Variants in MED12L observed in about 807,000 individuals in gnomAD.
MED12L encodes the protein mediator complex subunit 12L, also known as mediator of RNA polymerase II transcription subunit 12-like protein.
Under a neutral mutation model 281.3 loss-of-function variants are expected in MED12L, and 60 were observed. The observed-to-expected ratio is 0.21, with a 90% CI of 0.17 to 0.26. The LOEUF (loss-of-function observed/expected upper bound fraction) is 0.26, where lower values mean the gene tolerates loss of function less well. MED12L is among the 10% of genes least tolerant of loss of function. The pLI is 1.00. For missense variants in MED12L, 2,146 were observed against 2,680.9 expected (o/e 0.80, Z 4.41); for synonymous variants, 974 against 987.2 (o/e 0.99, Z 0.25).
intron 16 of MED12L, among the ~76,000 whole-genome samples, chr3:151,235,015 G>GT (rs1193080208): frequency 6.6e-6 from 1 of 152,180 alleles, no homozygotes; most frequent in East Asian, 1.9e-4. Flanking sequence ...GCTCAGGCGT[G>GT]TTTTTTTGTA....
At chr3:151,187,407 A>G (rs930829761) in intron 12 of MED12L, among the ~76,000 whole-genome samples, 8 of 152,214 alleles carry the variant, frequency 5.3e-5, no homozygotes, top group African/African-American at 1.9e-4. Flanking sequence ...AATAGCCTAA[A>G]TGTATCTATA....
chr3:151,116,223 C>T, intron 2 of MED12L, 115 bp from the exon 3 acceptor site: 1 of 648,090 alleles, frequency 1.5e-6, no homozygotes, highest in Non-Finnish European at 2.6e-6. Flanking sequence ...GTTGTCCTTT[C>T]AAGAGTTCTC....
chr3:151,108,678 A>G (rs1161192295), intron 2 of MED12L, among the ~76,000 whole-genome samples: 3 of 152,136 alleles, frequency 2.0e-5, no homozygotes, highest in Non-Finnish European at 4.4e-5. Context: ...TGTCCAATTC[A>G]TTGAATCGTC....
At chr3:151,431,285 C>A (rs1473662289) in intron 44 of MED12L, among the ~76,000 whole-genome samples, 3 of 152,124 alleles carry the variant, frequency 2.0e-5, no homozygotes, top group Non-Finnish European at 4.4e-5. Flanking sequence ...GTGGTGAAGG[C>A]AGTGGTGCAG....
chr3:151,340,989 T>G (rs1001088514), intron 16 of MED12L: 7 of 152,216 alleles, frequency 4.6e-5, no homozygotes, highest in African/African-American at 1.2e-4. Context: ...TGATGATTTA[T>G]AACTTCGAGT....
chr3:151,092,095 C>T (rs1720125719), intron 2 of MED12L, among the ~76,000 whole-genome samples: 1 of 152,210 alleles, frequency 6.6e-6, no homozygotes, highest in Non-Finnish European at 1.5e-5. Flanking sequence ...CCCCTTCCAA[C>T]TTGCTGTGTG....
At chr3:151,099,964 G>T (rs1405824906) in intron 2 of MED12L, among the ~76,000 whole-genome samples, 1 of 152,208 alleles carries the variant, frequency 6.6e-6, no homozygotes, top group African/African-American at 2.4e-5. Flanking sequence ...TCTGAGGGCA[G>T]TTGATAGGGA....
At chr3:151,150,161 CTG>C (rs1718260537) in intron 5 of MED12L, among the ~76,000 whole-genome samples, 1 of 152,184 alleles carries the variant, frequency 6.6e-6, no homozygotes, top group African/African-American at 2.4e-5. Flanking sequence ...GAATCACTAT[CTG>C]TGGCAGCTAT....
Position 151,190,854 on chromosome 3 carries a change from G to T in MED12L, c.1891G>T (p.Ala631Ser), listed in dbSNP as rs748797446. 1.2e-6 allele frequency: 2 copies of T among 1,614,152 alleles called. No individual in the cohort carries two copies. The highest frequency in any genetic ancestry group is 3.3e-5 in the Admixed American group (2 of 60,024). Residue 631 changes from alanine to serine, a missense_variant, in exon 14 of 45, where the codon GCC becomes TCC. Transcript: ENST00000687756. ...LISRGDLSVT[A>S]STRPRSPVGE... Reference sequence around the variant, plus strand: ...ATCTCGAGGAGATTTGTCAGTCACTGCCTCAACTCGGCCGCGGTCACCAGT... The same window carrying T: ...ATCTCGAGGAGATTTGTCAGTCACTTCCTCAACTCGGCCGCGGTCACCAGT...
chr3:151,197,194 G>A (rs1478589503), intron 16 of MED12L, among the ~76,000 whole-genome samples: 3 of 152,006 alleles, frequency 2.0e-5, no homozygotes, highest in Admixed American at 6.5e-5. Flanking sequence ...ACAGAGTCTC[G>A]CTCTTTTTGC....
chr3:151,089,827 C>T (rs534466736), intron 2 of MED12L, among the ~76,000 whole-genome samples: 1 of 152,238 alleles, frequency 6.6e-6, no homozygotes, highest in East Asian at 1.9e-4. Flanking sequence ...TGTGCTCAAG[C>T]CTTTAAAGCA....
intron 23 of MED12L, among the ~76,000 whole-genome samples, chr3:151,367,243 G>C (rs940281100): frequency 3.3e-5 from 5 of 152,160 alleles, no homozygotes; most frequent in African/African-American, 4.8e-5. Context: ...AGTGAGGCTT[G>C]TTTTTCAACT....
intron 2 of MED12L, among the ~76,000 whole-genome samples, chr3:151,113,060 A>G (rs1712167152): frequency 6.6e-6 from 1 of 152,176 alleles, no homozygotes; most frequent in Non-Finnish European, 1.5e-5. Context: ...AGTAAATTAT[A>G]GTGTGTTTTA....
intron 17 of MED12L, among the ~76,000 whole-genome samples, chr3:151,353,253 C>T (rs1221740358): frequency 6.6e-6 from 1 of 152,146 alleles, no homozygotes; most frequent in African/African-American, 2.4e-5. Context: ...ATTTTGTGCA[C>T]AAGACTATTG....
intron 16 of MED12L, among the ~76,000 whole-genome samples, chr3:151,334,986 C>T (rs576941222): frequency 1.6e-4 from 25 of 152,184 alleles, no homozygotes; most frequent in South Asian, 4.2e-4. Flanking sequence ...AAATTTCATT[C>T]GGCATGAAAT....
intron 3 of MED12L, among the ~76,000 whole-genome samples, chr3:151,118,054 G>A (rs1467677661): frequency 2.1e-5 from 3 of 141,496 alleles, no homozygotes; most frequent in Non-Finnish European, 4.5e-5. Context: ...TTGCGCCGCT[G>A]CACTCCAGCC....
chr3:151,093,405 G>A (rs1720312667), intron 2 of MED12L, among the ~76,000 whole-genome samples: 6 of 152,222 alleles, frequency 3.9e-5, no homozygotes, highest in Admixed American at 3.3e-4. Context: ...AGCTTTCTAG[G>A]TGATTCCGAA....
rs1243089098 is a variant in MED12L at position 151,376,089 on chromosome 3, T to C, written c.3928T>C (p.Leu1310=). 1 of 1,612,420 alleles carries C rather than the reference T, an allele frequency of 6.2e-7. No individual in the cohort carries two copies. ...ATTATGTACAGACAAAGAACTTATA[T>C]TGGACCCTGTGCTTTCAAATATGCA... The part of the protein sequence containing the change: ...ERLCTDKELI[L]DPVLSNMQAQ... Residue 1310 remains leucine (L), a synonymous_variant, in exon 28 of 45, where the codon TTG becomes CTG. Coordinates refer to ENST00000687756, the MANE Select transcript of MED12L (RefSeq NM_001393769.1).
At chr3:151,127,519 G>C (rs934205237) in intron 4 of MED12L, among the ~76,000 whole-genome samples, 1 of 152,078 alleles carries the variant, frequency 6.6e-6, no homozygotes, top group Non-Finnish European at 1.5e-5. Context: ...GATAAGATGA[G>C]TAGCTCTCAG....
Sources: gnomAD v4.1 joint callset for allele counts (sites outside exome capture counted in the v4.1 genomes callset) on GRCh38, gnomAD v4.1.1 for gene constraint, MANE v1.5 for transcripts, NCBI Gene and HGNC (gene_info 2026-07-23, HGNC 2026-07-21) for gene names.